Variants in PRUNE2 observed in about 807,000 individuals in gnomAD.
The protein encoded by PRUNE2 is prune homolog 2 with BCH domain.
Under a neutral mutation model 252.0 loss-of-function variants are expected in PRUNE2, and 164 were observed. The observed-to-expected ratio is 0.65, with a 90% CI of 0.57 to 0.74. The LOEUF is 0.74. Among genes scored for constraint, PRUNE2 ranks in the 30% least tolerant of loss-of-function variants. The pLI is 0.00. For synonymous variants in PRUNE2, 1,292 were observed against 1,350.2 expected, an observed-to-expected ratio of 0.96 and a Z score of 0.94; for missense variants, 3,495 against 3,711.0, an observed-to-expected ratio of 0.94 and a Z score of 1.51.
In PRUNE2 at chr9:76,624,466, T is replaced by C. The variant is rs1371374919; in HGVS notation, c.9174A>G (p.Ala3058=). Residue 3058 remains alanine (A), a synonymous_variant, in exon 17 of 19, where the codon GCA becomes GCG. Transcript: ENST00000376718. ...IIKLDEELRE[A]SEAAKTSCLY... ...CCAAGTCTTACTTAGCTGCCTCTGA[T>C]GCTTCCCTCAGTTCTTCATCCAGTC... The C allele has an allele frequency of 1.4e-6, 2 of 1,431,232 alleles. No homozygotes were observed. The highest frequency in any genetic ancestry group is 1.8e-6 in the Non-Finnish European group (2 of 1,087,666). The allele number at this position is 1,431,232 out of a possible 1,614,324, so 88.7% of individuals were successfully genotyped here. A position where few individuals can be genotyped will look rare whatever the true frequency, so the allele number is the denominator to read the frequency against.
intron 6 of PRUNE2, among the ~76,000 whole-genome samples, chr9:76,752,083 C>T (rs1411371727): frequency 1.2e-5 from 1 of 81,384 alleles, no homozygotes; most frequent in African/African-American, 6.4e-5. Flanking sequence ...GACTCAATTC[C>T]TGTTTTTTTT....
chr9:76,885,449 C>T (rs1334255463), intron 1 of PRUNE2, among the ~76,000 whole-genome samples: 1 of 150,084 alleles, frequency 6.7e-6, no homozygotes, highest in Non-Finnish European at 1.5e-5. Flanking sequence ...TCTCTCACCC[C>T]ATTCCTAGGC....
Position 76,846,507 on chromosome 9 carries a change from T to C in PRUNE2, c.508+8A>G. On this transcript the variant is annotated splice_region_variant and intron_variant, in intron 4 of 18. Coordinates refer to ENST00000376718, the MANE Select transcript of PRUNE2 (RefSeq NM_015225.3). ...TTCCAGTATTTAATAGGAAGAGCCA[T>C]CTCTCACCTCTGAGGCGATGAGCCA... 6.2e-7 allele frequency: 1 copy of C among 1,609,714 alleles called. No individual in the cohort carries two copies. Among genetic ancestry groups the C allele is most frequent in the South Asian group, 1.1e-5 (1 of 90,850 alleles).
intron 6 of PRUNE2, among the ~76,000 whole-genome samples, chr9:76,808,298 T>C (rs960022960): frequency 6.6e-6 from 1 of 152,260 alleles, no homozygotes; most frequent in Admixed American, 6.5e-5. Flanking sequence ...AAAAGGACTG[T>C]TGACTTGGTT....
chr9:76,878,413 G>A (rs1051478788), intron 1 of PRUNE2, among the ~76,000 whole-genome samples: 8 of 152,156 alleles, frequency 5.3e-5, no homozygotes, highest in Admixed American at 2.0e-4. Context: ...GAGTCAGGTC[G>A]CTTCTATCTG....
chr9:76,705,076 A>T lies in PRUNE2; in HGVS notation c.7198T>A (p.Tyr2400Asn). The change falls in exon 8 of 19, where the codon TAT becomes AAT. Residue 2400 changes from tyrosine to asparagine, a missense_variant. Physicochemically the swap from Tyr to Asn is moderately radical, Grantham distance 143. Transcript: ENST00000376718. Reference protein sequence around the residue: ...APYTPPFDLSYLTEPAQSAET... With the variant: ...APYTPPFDLSNLTEPAQSAET... ...GCACTCTGGGCAGGTTCTGTGAGAT[A>T]AGACAAATCAAAGGGAGGTGTGTAC... 6.2e-7 allele frequency: 1 copy of T among 1,614,000 alleles called. No homozygotes were observed. Among genetic ancestry groups the T allele is most frequent in the Non-Finnish European group, 8.5e-7 (1 of 1,179,892 alleles).
At chr9:76,873,676 A>C (rs1009069611) in intron 1 of PRUNE2, among the ~76,000 whole-genome samples, 138 of 152,312 alleles carry the variant, frequency 9.1e-4, no homozygotes, top group African/African-American at 2.9e-3. Context: ...GGAGAGAGAG[A>C]ACATCCTTGC....
chr9:76,885,132 GA>G (rs61337246), intron 1 of PRUNE2, among the ~76,000 whole-genome samples: 4,592 of 152,176 alleles, frequency 0.03, 239 homozygotes, highest in African/African-American at 0.11. Context: ...AATAAAGGGG[GA>G]AAAAAATCAA....
chr9:76,618,112 T>C (rs994920569), intron 18 of PRUNE2, among the ~76,000 whole-genome samples: 3 of 152,198 alleles, frequency 2.0e-5, no homozygotes, highest in African/African-American at 7.2e-5. Context: ...CTTTGTTCTT[T>C]TTTTAAAATT....
At chr9:76,768,224 G>A (rs1022232958) in intron 6 of PRUNE2, among the ~76,000 whole-genome samples, 3 of 151,424 alleles carry the variant, frequency 2.0e-5, no homozygotes, top group African/African-American at 4.9e-5. Context: ...ATGGATTCTC[G>A]CTCTGTCGCC....
intron 15 of PRUNE2, among the ~76,000 whole-genome samples, chr9:76,632,443 T>C (rs1838073621): frequency 6.6e-6 from 1 of 152,230 alleles, no homozygotes; most frequent in African/African-American, 2.4e-5. Context: ...GTAGGTTTTC[T>C]TTAGAATTGG....
At chr9:76,844,583 TAG>T (rs2059571676) in intron 4 of PRUNE2, among the ~76,000 whole-genome samples, 1 of 152,198 alleles carries the variant, frequency 6.6e-6, no homozygotes, top group Non-Finnish European at 1.5e-5. Flanking sequence ...CAAAGCTATT[TAG>T]AGAGTGTTCC....
At chr9:76,904,500 C>G (rs7040483) in intron 1 of PRUNE2, among the ~76,000 whole-genome samples, 2 of 152,158 alleles carry the variant, frequency 1.3e-5, no homozygotes. Flanking sequence ...TACACACACA[C>G]GCACAGTTGC....
intron 6 of PRUNE2, among the ~76,000 whole-genome samples, chr9:76,812,653 A>G (rs1174247101): frequency 1.3e-5 from 2 of 152,228 alleles, no homozygotes; most frequent in Non-Finnish European, 2.9e-5. Flanking sequence ...GTACACTAAC[A>G]GCCCCTGTAT....
chr9:76,841,915 T>G (rs1049593399), intron 4 of PRUNE2, among the ~76,000 whole-genome samples: 1 of 152,170 alleles, frequency 6.6e-6, no homozygotes, highest in Non-Finnish European at 1.5e-5. Flanking sequence ...CTATCCCCAT[T>G]GAATCTGCTA....
At chr9:76,876,999 T>C (rs1330490281) in intron 1 of PRUNE2, among the ~76,000 whole-genome samples, 2 of 152,212 alleles carry the variant, frequency 1.3e-5, no homozygotes, top group Non-Finnish European at 2.9e-5. Flanking sequence ...CCAACTCTAC[T>C]GCTAACTAGC....
intron 15 of PRUNE2, among the ~76,000 whole-genome samples, chr9:76,633,982 T>C (rs1369179486): frequency 1.3e-5 from 2 of 152,018 alleles, no homozygotes; most frequent in African/African-American, 4.8e-5. Flanking sequence ...TGTGGTGGCA[T>C]ACACCTATAG....
At chr9:76,776,903 C>T (rs985608811) in intron 6 of PRUNE2, among the ~76,000 whole-genome samples, 1 of 74,308 alleles carries the variant, frequency 1.3e-5, no homozygotes, top group Non-Finnish European at 2.7e-5. Flanking sequence ...TACACACACA[C>T]ACACACACAC....
At chr9:76,698,543 A>T (rs1305678361) in intron 9 of PRUNE2, among the ~76,000 whole-genome samples, 1 of 152,232 alleles carries the variant, frequency 6.6e-6, no homozygotes, top group African/African-American at 2.4e-5. Context: ...CCTCTGAGAA[A>T]CGGCAAATGT....
Sources: allele counts gnomAD v4.1 joint callset (sites outside exome capture counted in the v4.1 genomes callset), GRCh38; gene constraint gnomAD v4.1.1; transcripts MANE v1.5; gene names NCBI Gene and HGNC (gene_info 2026-07-23, HGNC 2026-07-21).